The following ZDHHC18 variants were observed in gnomAD, a reference collection of about 807,000 sequenced individuals.
ZDHHC18 encodes palmitoyltransferase ZDHHC18.
Under a neutral mutation model 37.5 loss-of-function variants are expected in ZDHHC18, and 23 were observed. That is an observed-to-expected ratio of 0.61 (90% CI 0.44 to 0.87). The LOEUF is 0.87. Ranked by LOEUF, ZDHHC18 falls within the 40% of genes least tolerant of loss-of-function variation. ZDHHC18 has a pLI of 0.00. For missense variants in ZDHHC18, 406 were observed against 525.6 expected (o/e 0.77, Z 2.22); for synonymous variants, 185 against 218.7 (o/e 0.85, Z 1.36).
Position 26,855,221 on chromosome 1 carries a change from G to A in ZDHHC18, c.*1378G>A, listed in dbSNP as rs2081727801. On this transcript the variant is annotated 3_prime_UTR_variant, in exon 8 of 8. Transcript: ENST00000374142. ...CTACAAGCCACACCCCCTCCTCTGA[G>A]CTCTGAATATGGGACCCAGTGCCAG... 1 of 152,318 alleles carries A rather than the reference G, an allele frequency of 6.6e-6. No individual in the cohort carries two copies. Among genetic ancestry groups the A allele is most frequent in the Admixed American group, 6.5e-5 (1 of 15,282 alleles). The allele number at this position is 152,318 out of a possible 1,614,324, so 9.4% of individuals were successfully genotyped here.
chr1:26,846,290 G>GTATA (rs1557644428), intron 2 of ZDHHC18, among the ~76,000 whole-genome samples: 2,194 of 47,784 alleles, frequency 0.046, 107 homozygotes, highest in Non-Finnish European at 0.059. Flanking sequence ...GTGTGTGTGT[G>GTATA]TATATATATA....
intron 1 of ZDHHC18, among the ~76,000 whole-genome samples, chr1:26,831,251 C>T (rs1486940246): frequency 6.6e-6 from 1 of 152,144 alleles, no homozygotes; most frequent in Non-Finnish European, 1.5e-5. Flanking sequence ...ACAGCAAGTG[C>T]AAAGGCCCTG....
At chr1:26,840,991 G>T (rs575280625) in intron 2 of ZDHHC18, among the ~76,000 whole-genome samples, 2 of 150,142 alleles carry the variant, frequency 1.3e-5, no homozygotes, top group Non-Finnish European at 3.0e-5. Context: ...TTGGGGGGAG[G>T]GGGGGACAGA....
intron 1 of ZDHHC18, among the ~76,000 whole-genome samples, chr1:26,828,224 G>A (rs1008650420): frequency 1.8e-4 from 9 of 50,342 alleles, no homozygotes; most frequent in Middle Eastern, 0.053. Flanking sequence ...TGCTTCATAA[G>A]CCCTGCTGTC....
At chr1:26,851,920 C>G (rs1329866381) in intron 6 of ZDHHC18, among the ~76,000 whole-genome samples, 2 of 152,226 alleles carry the variant, frequency 1.3e-5, no homozygotes, top group Non-Finnish European at 2.9e-5. Context: ...CCAGACCTGA[C>G]TTCTCCTCCC....
intron 2 of ZDHHC18, among the ~76,000 whole-genome samples, 186 bp downstream of exon 2, chr1:26,832,793 C>CA (rs751459356): frequency 3.9e-5 from 6 of 152,324 alleles, no homozygotes; most frequent in Non-Finnish European, 8.8e-5. Context: ...AATAAGTAAG[C>CA]AAGAAATGCT....
At chr1:26,841,069 C>T (rs991786998) in intron 2 of ZDHHC18, among the ~76,000 whole-genome samples, 4 of 151,966 alleles carry the variant, frequency 2.6e-5, no homozygotes, top group East Asian at 1.9e-4. Context: ...CTCTGCCTCC[C>T]GGGTTCAAGT....
intron 2 of ZDHHC18, among the ~76,000 whole-genome samples, chr1:26,842,930 G>T (rs1392361444): frequency 6.6e-6 from 1 of 152,146 alleles, no homozygotes. Context: ...ATGGTGGAGG[G>T]CTGGGGGTAT....
intron 2 of ZDHHC18, among the ~76,000 whole-genome samples, chr1:26,848,222 G>A (rs1469381606): frequency 6.6e-6 from 1 of 151,962 alleles, no homozygotes; most frequent in African/African-American, 2.4e-5. Flanking sequence ...TGAGGCATGA[G>A]AATCGCTTGA....
intron 2 of ZDHHC18, among the ~76,000 whole-genome samples, chr1:26,840,374 C>A (rs1250930562): frequency 6.6e-6 from 1 of 152,238 alleles, no homozygotes; most frequent in African/African-American, 2.4e-5. Flanking sequence ...AGCCACTTTG[C>A]TAAAGCCACT....
chr1:26,845,303 A>G lies in ZDHHC18; in HGVS notation c.497-3305A>G, dbSNP rs567746302. Among the ~76,000 whole-genome samples the G allele has an allele frequency of 9.8e-5, 14 of 142,546 alleles. No homozygotes were observed. The South Asian group carries it at 3.1e-3, about 32-fold the overall frequency. 93.5% of individuals were successfully genotyped at this position (142,546 alleles called of 152,430 possible). On this transcript the variant is annotated intron_variant, in intron 2 of 7. Coordinates refer to ENST00000374142, the MANE Select transcript of ZDHHC18 (RefSeq NM_032283.3). ...CTTGTAATTATCCATTCCTGCTCTA[A>G]AGGTTACTTCTTCATTCTTTTTTTT...
chr1:26,827,863 C>T (rs929707400), intron 1 of ZDHHC18, among the ~76,000 whole-genome samples: 2 of 152,090 alleles, frequency 1.3e-5, no homozygotes, highest in African/African-American at 4.8e-5. Context: ...AGATCCCGCC[C>T]GCCTCCACCC....
chr1:26,837,786 C>T (rs1188510581), intron 2 of ZDHHC18, among the ~76,000 whole-genome samples: 1 of 151,538 alleles, frequency 6.6e-6, no homozygotes, highest in African/African-American at 2.4e-5. Context: ...AGCCCCTCTT[C>T]TATCTTCTTG....
At chr1:26,848,585 T>C in intron 2 of ZDHHC18, 23 bp from the exon 3 acceptor site, 1 of 1,600,642 alleles carries the variant, frequency 6.2e-7, no homozygotes, top group South Asian at 1.1e-5. Context: ...GCATTCCCCA[T>C]CTTTCTCTCC....
intron 1 of ZDHHC18, chr1:26,832,194 G>A (rs1267512263): frequency 4.1e-6 from 2 of 486,008 alleles, no homozygotes; most frequent in Non-Finnish European, 7.4e-6. Flanking sequence ...TAGGAGTGCT[G>A]GGATCTATTG....
intron 2 of ZDHHC18, among the ~76,000 whole-genome samples, chr1:26,846,023 G>A (rs1327633254): frequency 6.6e-6 from 1 of 151,904 alleles, no homozygotes; most frequent in East Asian, 1.9e-4. Context: ...GGATTAGGGA[G>A]AATAAATCCT....
chr1:26,850,435 T>C lies in ZDHHC18; in HGVS notation c.781T>C (p.Leu261=). 1 of 1,613,782 alleles carries C rather than the reference T, an allele frequency of 6.2e-7. No homozygotes were observed. Among genetic ancestry groups the C allele is most frequent in the Non-Finnish European group, 8.5e-7 (1 of 1,180,024 alleles). ...CGCCTGTGTGGTCACCCACCTGACG[T>C]TGCGTGAGTTGTGGGTGAGGGCAGT... The part of the protein sequence containing the change: ...IFACVVTHLT[L]RAQGSNFLST... The change falls in exon 4 of 8, where the codon TTG becomes CTG. Residue 261 remains leucine (L), a synonymous_variant. Transcript: ENST00000374142. This position sits in a 1 kb window ranked among gnomAD's most constrained non-coding sequence, Gnocchi z 6.1.
chr1:26,842,168 G>GAGAGAGA, intron 2 of ZDHHC18, among the ~76,000 whole-genome samples: 1 of 151,516 alleles, frequency 6.6e-6, no homozygotes, highest in Non-Finnish European at 1.5e-5. Context: ...AGAGAGACAG[G>GAGAGAGA]GTCCGCCTTT....
At position 26,827,092 on chromosome 1, in the gene ZDHHC18, C is replaced by T. The variant is rs2124242112; in HGVS notation, c.288C>T (p.Leu96=). The T allele has an allele frequency of 2.9e-6, 4 of 1,400,660 alleles. No individual in the cohort carries two copies. Among genetic ancestry groups the T allele is most frequent in the Middle Eastern group, 2.2e-4 (1 of 4,518 alleles). 86.8% of individuals were successfully genotyped at this position (1,400,660 alleles called of 1,614,324 possible). The change falls in exon 1 of 8, where the codon CTC becomes CTT. Residue 96 remains leucine (L), a synonymous_variant. Transcript: ENST00000374142. ...CCGGCCACGGCGGCGTCTTCGCGCT[C>T]ACGCTGCTGCTCATCCTCACCACCA... The part of the protein sequence containing the change: ...MLAGHGGVFA[L]TLLLILTTTG...
Sources: gnomAD v4.1 joint callset for allele counts (sites outside exome capture counted in the v4.1 genomes callset) on GRCh38, gnomAD v4.1.1 for gene constraint, Gnocchi (gnomAD v3.1) non-coding constraint, MANE v1.5 for transcripts, NCBI Gene and HGNC (gene_info 2026-07-23, HGNC 2026-07-21) for gene names.